The following MEIS2 variants were observed in gnomAD, a reference collection of about 807,000 sequenced individuals.
MEIS2 encodes the protein homeobox protein Meis2.
Under a neutral mutation model 58.6 loss-of-function variants are expected in MEIS2, and 9 were observed. The observed-to-expected ratio is 0.15, with a 90% CI of 0.09 to 0.27. The LOEUF is 0.27. Ranked by LOEUF, MEIS2 falls within the 10% of genes least tolerant of loss-of-function variation. The probability of loss-of-function intolerance (pLI) is 1.00; values close to 1 mark genes in which losing one functional copy is unlikely to be tolerated. For missense variants in MEIS2, 427 were observed against 635.0 expected (o/e 0.67, Z 3.52); for synonymous variants, 221 against 228.4 (o/e 0.97, Z 0.29).
At chr15:37,050,074 T>C (rs2062850363) in intron 7 of MEIS2, among the ~76,000 whole-genome samples, 1 of 152,196 alleles carries the variant, frequency 6.6e-6, no homozygotes, top group Non-Finnish European at 1.5e-5. Flanking sequence ...TTGACTTTCA[T>C]ACTAAAATTA....
intron 8 of MEIS2, among the ~76,000 whole-genome samples, chr15:36,985,396 C>A (rs2060062437): frequency 6.6e-6 from 1 of 152,128 alleles, no homozygotes. Flanking sequence ...TTTTTATCTT[C>A]TTCTGTCCTT....
At chr15:37,060,605 A>G (rs1006429729) in intron 7 of MEIS2, among the ~76,000 whole-genome samples, 3 of 152,202 alleles carry the variant, frequency 2.0e-5, no homozygotes, top group Admixed American at 6.5e-5. Flanking sequence ...AGACTCAAAA[A>G]GAAAAAAAAA....
At position 36,950,343 on chromosome 15, in the gene MEIS2, T is replaced by C; in HGVS notation, c.958A>G (p.Ile320Val). The C allele has an allele frequency of 6.2e-7, 1 of 1,612,518 alleles. No individual in the cohort carries two copies. Among genetic ancestry groups the C allele is most frequent in the African/African-American group, 1.3e-5 (1 of 74,902 alleles). Residue 320 changes from isoleucine to valine, a missense_variant, in exon 9 of 12, where the codon ATT becomes GTT. Ile to Val is a conservative substitution (Grantham distance 29). Coordinates refer to ENST00000561208, the MANE Select transcript of MEIS2 (RefSeq NM_170675.5). ...ACTCACCAGTTGTTTACTTGGAGAA[T>C]TGTAAGTCCTGTGTCTTGCGCTAAC... Reference protein sequence around the residue: ...KQLAQDTGLTILQVNNWFINA... With the variant: ...KQLAQDTGLTVLQVNNWFINA...
chr15:36,989,582 C>T (rs544443122), intron 8 of MEIS2, among the ~76,000 whole-genome samples: 3 of 152,270 alleles, frequency 2.0e-5, no homozygotes, highest in South Asian at 4.1e-4. Context: ...TTACTTCTCC[C>T]AAGCCATCAA....
At chr15:37,090,715 T>A (rs968543839) in intron 6 of MEIS2, among the ~76,000 whole-genome samples, 2 of 152,044 alleles carry the variant, frequency 1.3e-5, no homozygotes, top group African/African-American at 4.8e-5. Flanking sequence ...TACCACTTAA[T>A]AAGAGTAGAG....
chr15:36,951,851 C>T (rs913860432), intron 8 of MEIS2, among the ~76,000 whole-genome samples: 1 of 152,134 alleles, frequency 6.6e-6, no homozygotes, highest in Non-Finnish European at 1.5e-5. Flanking sequence ...CTCCTTTCCC[C>T]CTCCTGCTTC....
At chr15:36,939,662 A>G (rs1387222607) in intron 9 of MEIS2, among the ~76,000 whole-genome samples, 1 of 152,154 alleles carries the variant, frequency 6.6e-6, no homozygotes, top group Non-Finnish European at 1.5e-5. Flanking sequence ...AACAAATACA[A>G]TTCATTGTAA....
intron 9 of MEIS2, among the ~76,000 whole-genome samples, chr15:36,922,406 GT>G (rs11377842): frequency 4.0e-5 from 6 of 151,596 alleles, no homozygotes; most frequent in Non-Finnish European, 7.4e-5. Context: ...GAATCAAAAG[GT>G]TTTTTTGTGT....
At chr15:37,096,931 C>T (rs548708371) in intron 2 of MEIS2, among the ~76,000 whole-genome samples, 1 of 152,328 alleles carries the variant, frequency 6.6e-6, no homozygotes. Flanking sequence ...CGGAGTGACA[C>T]TTCATAAATG....
chr15:37,072,311 C>A (rs1890812995), intron 7 of MEIS2, among the ~76,000 whole-genome samples: 1 of 152,070 alleles, frequency 6.6e-6, no homozygotes, highest in South Asian at 2.1e-4. Context: ...GCATTTCCCA[C>A]TGGAAAGTCC....
intron 8 of MEIS2, among the ~76,000 whole-genome samples, chr15:36,966,202 G>A (rs886768384): frequency 2.1e-4 from 32 of 152,124 alleles, no homozygotes; most frequent in African/African-American, 6.8e-4. Flanking sequence ...TGGCCCATAT[G>A]AGCAAATTCG....
chr15:36,999,353 C>T (rs1161986045), intron 8 of MEIS2, among the ~76,000 whole-genome samples: 1 of 152,178 alleles, frequency 6.6e-6, no homozygotes, highest in Non-Finnish European at 1.5e-5. Context: ...TTAATTTACT[C>T]ATAGTAAACC....
At chr15:36,931,491 T>A (rs1383581291) in intron 9 of MEIS2, among the ~76,000 whole-genome samples, 1 of 152,202 alleles carries the variant, frequency 6.6e-6, no homozygotes, top group Non-Finnish European at 1.5e-5. Context: ...ACCAGCATAA[T>A]CTTAATGGCA....
chr15:37,098,382 GAGAGAGAGA>G (rs1894619474), intron 1 of MEIS2, 183 bp from the exon 2 acceptor site: 50 of 557,150 alleles, frequency 9.0e-5, no homozygotes, highest in Non-Finnish European at 1.0e-4. Context: ...GAGAGGGGGA[GAGAGAGAGA>G]GAGAGAGAGA....
chr15:37,053,250 GGATCTT>G (rs1272706810), intron 7 of MEIS2, among the ~76,000 whole-genome samples: 1 of 152,148 alleles, frequency 6.6e-6, no homozygotes, highest in Non-Finnish European at 1.5e-5. Context: ...GCAAATTTCC[GGATCTT>G]GATCACACTA....
intron 6 of MEIS2, among the ~76,000 whole-genome samples, chr15:37,086,032 T>C (rs1596106855): frequency 6.6e-6 from 1 of 152,182 alleles, no homozygotes; most frequent in Admixed American, 6.5e-5. Context: ...TTTTAGAAAA[T>C]GCAATAGCTG....
chr15:36,968,168 A>G (rs1352096102), intron 8 of MEIS2, among the ~76,000 whole-genome samples: 1 of 152,124 alleles, frequency 6.6e-6, no homozygotes, highest in Non-Finnish European at 1.5e-5. Flanking sequence ...CAGCGTAACA[A>G]ATCCTATTCT....
intron 3 of MEIS2, chr15:37,095,987 C>A: frequency 2.3e-6 from 1 of 441,094 alleles, no homozygotes; most frequent in Non-Finnish European, 4.1e-6. Context: ...GCCCCTCTCC[C>A]CAATTCTTGT....
At chr15:37,072,317 A>G (rs2141877350) in intron 7 of MEIS2, among the ~76,000 whole-genome samples, 1 of 152,210 alleles carries the variant, frequency 6.6e-6, no homozygotes, top group East Asian at 1.9e-4. Context: ...CCCACTGGAA[A>G]GTCCTGGTTG....
Sources: allele counts gnomAD v4.1 joint callset (sites outside exome capture counted in the v4.1 genomes callset), GRCh38; gene constraint gnomAD v4.1.1; transcripts MANE v1.5; gene names NCBI Gene and HGNC (gene_info 2026-07-23, HGNC 2026-07-21).